SEC23B: variants seen among roughly 807,000 people sequenced by gnomAD.
SEC23B encodes SEC23 homolog B, COPII component, also known as protein transport protein Sec23B.
Under a neutral mutation model 104.3 loss-of-function variants are expected in SEC23B, and 77 were observed. That is an observed-to-expected ratio of 0.74 (90% confidence interval 0.61 to 0.89). SEC23B has a LOEUF of 0.89. SEC23B is among the 40% of genes least tolerant of loss of function. The probability of loss-of-function intolerance (pLI) is 0.00; values close to 1 mark genes in which losing one functional copy is unlikely to be tolerated. For missense variants in SEC23B, 885 were observed against 949.4 expected (o/e 0.93, Z 0.89); for synonymous variants, 338 against 332.5 (o/e 1.02, Z -0.18).
Position 18,555,147 on chromosome 20 carries a change from C to T in SEC23B, c.2188C>T (p.His730Tyr), listed in dbSNP as rs755180077. The T allele has an allele frequency of 6.2e-6, 10 of 1,613,642 alleles. No individual in the cohort carries two copies. The African/African-American group carries it at 9.4e-5, about 15-fold the overall frequency. Reference sequence around the variant, plus strand: ...GTCCAAAGTGAACCCATCTCAGACACACAATAACCTGTATGCTTGGGGACA... The same window carrying T: ...GTCCAAAGTGAACCCATCTCAGACATACAATAACCTGTATGCTTGGGGACA... ...LLSKVNPSQT[H>Y]NNLYAWGQET... Residue 730 changes from histidine to tyrosine, a missense_variant, in exon 19 of 20, where the codon CAC (histidine) becomes TAC (tyrosine). Coordinates refer to ENST00000650089, the MANE Select transcript of SEC23B (RefSeq NM_006363.6).
At chr20:18,527,635 G>A (rs549175754) in intron 9 of SEC23B, 24 bp downstream of exon 9, 80 of 1,370,578 alleles carry the variant, frequency 5.8e-5, no homozygotes, top group Admixed American at 1.0e-4. Flanking sequence ...GAAAACCTGG[G>A]CAGAGTGACA....
intron 19 of SEC23B, among the ~76,000 whole-genome samples, chr20:18,559,858 A>G (rs1395124910): frequency 6.6e-6 from 1 of 152,152 alleles, no homozygotes; most frequent in Non-Finnish European, 1.5e-5. Context: ...GGTTTACATA[A>G]GATGCCCGAA....
chr20:18,531,455 G>A (rs1477205568), intron 10 of SEC23B, among the ~76,000 whole-genome samples: 2 of 150,816 alleles, frequency 1.3e-5, no homozygotes, highest in Admixed American at 6.6e-5. Flanking sequence ...TTGGGAGTTC[G>A]AGACCAGCCT....
chr20:18,527,713 CT>C, intron 9 of SEC23B, 102 bp downstream of exon 9: 1 of 820,608 alleles, frequency 1.2e-6, no homozygotes, highest in Non-Finnish European at 2.2e-6. Flanking sequence ...CTCAGAGAAG[CT>C]TTCAGGTAGC....
intron 3 of SEC23B, among the ~76,000 whole-genome samples, chr20:18,514,485 A>T (rs985921639): frequency 6.6e-6 from 1 of 152,092 alleles, no homozygotes; most frequent in Non-Finnish European, 1.5e-5. Context: ...GAGGCCCCTA[A>T]AGCTGCCTGT....
chr20:18,532,572 A>G (rs2060196535), intron 10 of SEC23B, 92 bp from the exon 11 acceptor site: 5 of 929,228 alleles, frequency 5.4e-6, no homozygotes, highest in South Asian at 1.3e-5. Context: ...TAGTAGTGTT[A>G]TATTTTCCCT....
At chr20:18,544,545 G>A (rs975245811) in intron 14 of SEC23B, among the ~76,000 whole-genome samples, 2 of 152,200 alleles carry the variant, frequency 1.3e-5, no homozygotes, top group African/African-American at 4.8e-5. Flanking sequence ...GGACTTTGGA[G>A]AAACCAGTGT....
intron 16 of SEC23B, 96 bp downstream of exon 16, chr20:18,548,866 T>G (rs760703516): frequency 1.0e-5 from 13 of 1,283,854 alleles, no homozygotes; most frequent in Non-Finnish European, 1.4e-5. Context: ...AAAAAAGAAG[T>G]AAAATTTGGA....
At chr20:18,550,061 G>A (rs6105936) in intron 16 of SEC23B, among the ~76,000 whole-genome samples, 100,539 of 139,510 alleles carry the variant, frequency 0.72, 35,603 homozygotes, top group Non-Finnish European at 0.81. Context: ...GTATATATAA[G>A]AACTATGTAT....
intron 3 of SEC23B, among the ~76,000 whole-genome samples, chr20:18,513,109 G>A (rs145997033): frequency 0.04 from 6,107 of 152,206 alleles, 192 homozygotes; most frequent in South Asian, 0.099. Context: ...GCTTGAACCC[G>A]GGAGGCGGAG....
chr20:18,526,291 T>C (rs2060133229), intron 7 of SEC23B, 82 bp from the exon 8 acceptor site: 2 of 1,468,866 alleles, frequency 1.4e-6, no homozygotes, highest in South Asian at 2.3e-5. Flanking sequence ...AATGCATCTT[T>C]GGAGTATTTC....
At position 18,543,130 on chromosome 20, in the gene SEC23B, G is replaced by A; in HGVS notation, c.1623G>A (p.Gly541=). ...LGVFRAESEE[G]PDVLRWLDRQ... is the part of the protein sequence containing the mutation. ...TGTTCCGAGCGGAGTCAGAGGAGGGGCCCGATGTGCTCCGGTGGCTGGACC... is the reference window on the plus strand; with the variant it reads ...TGTTCCGAGCGGAGTCAGAGGAGGGACCCGATGTGCTCCGGTGGCTGGACC... Residue 541 remains glycine, a synonymous_variant, in exon 14 of 20, where the codon GGG becomes GGA. Transcript: ENST00000650089. 1 of 1,614,202 alleles carries A rather than the reference G, an allele frequency of 6.2e-7. No homozygotes were observed. Among genetic ancestry groups the A allele is most frequent in the Admixed American group, 1.7e-5 (1 of 60,016 alleles).
chr20:18,511,404 C>T (rs1009535700), intron 2 of SEC23B, among the ~76,000 whole-genome samples: 4 of 152,010 alleles, frequency 2.6e-5, no homozygotes, highest in Non-Finnish European at 5.9e-5. Context: ...AATTCGAAAG[C>T]TTAGACCGTC....
intron 16 of SEC23B, among the ~76,000 whole-genome samples, chr20:18,550,014 A>C (rs1471848273): frequency 7.3e-6 from 1 of 136,290 alleles, no homozygotes; most frequent in African/African-American, 2.7e-5. Flanking sequence ...ATATATAAAA[A>C]TTATATGTGT....
chr20:18,510,622 C>T (rs775891826), intron 1 of SEC23B, among the ~76,000 whole-genome samples, 200 bp from the exon 2 acceptor site: 29 of 152,146 alleles, frequency 1.9e-4, no homozygotes, highest in South Asian at 8.3e-4. Context: ...AAAAATTAGC[C>T]GGGCTTGGTG....
chr20:18,558,060 C>G (rs1600285606), intron 19 of SEC23B, among the ~76,000 whole-genome samples: 1 of 152,050 alleles, frequency 6.6e-6, no homozygotes, highest in Admixed American at 6.6e-5. Flanking sequence ...CTACTTTTAA[C>G]CATTCTTTTA....
Position 18,525,716 on chromosome 20 carries a change from A to G in SEC23B, c.690-72A>G. 3 of 1,498,218 alleles carry G rather than the reference A, an allele frequency of 2.0e-6. No homozygotes were observed. The South Asian group carries it at 3.4e-5, about 17-fold the overall frequency. The allele number at this position is 1,498,218 out of a possible 1,614,324, so 92.8% of individuals were successfully genotyped here. ...ATAATTATCTTGAAGAGCAGTAATT[A>G]TGTGGCACCTAGTGTTGAAGACCAG... On this transcript the variant is annotated intron_variant, in intron 6 of 19. Coordinates refer to ENST00000650089, the MANE Select transcript of SEC23B (RefSeq NM_006363.6).
At chr20:18,512,350 A>AG (rs1380978246) in intron 3 of SEC23B, 68 bp downstream of exon 3, 2 of 1,062,490 alleles carry the variant, frequency 1.9e-6, no homozygotes, top group Non-Finnish European at 2.9e-6. Context: ...AAATTAAGTT[A>AG]GGTTGAATTT....
chr20:18,536,736 T>C (rs1298639522), intron 12 of SEC23B, among the ~76,000 whole-genome samples: 1 of 151,958 alleles, frequency 6.6e-6, no homozygotes, highest in Admixed American at 6.6e-5. Flanking sequence ...CCCCCAAAAC[T>C]TAACTACTAG....
Sources: allele counts gnomAD v4.1 joint callset (sites outside exome capture counted in the v4.1 genomes callset), GRCh38; gene constraint gnomAD v4.1.1; transcripts MANE v1.5; gene names NCBI Gene and HGNC (gene_info 2026-07-23, HGNC 2026-07-21).